Variants in WWOX observed in about 807,000 individuals in gnomAD.
WWOX encodes the protein WW domain-containing oxidoreductase.
A neutral mutation model predicts 46.2 loss-of-function variants in WWOX; 69 were observed. The observed-to-expected ratio is 1.49, with a 90% CI of 1.23 to 1.82. WWOX has a LOEUF of 1.82. Among genes scored for constraint, WWOX ranks in the 40% most tolerant of loss-of-function variants. WWOX has a pLI of 0.00. For synonymous variants in WWOX, 359 were observed against 202.6 expected, an observed-to-expected ratio of 1.77 and a Z score of -6.56; for missense variants, 919 against 542.6, an observed-to-expected ratio of 1.69 and a Z score of -6.89.
intron 8 of WWOX, among the ~76,000 whole-genome samples, chr16:78,726,259 C>G (rs1271603829): frequency 1.3e-5 from 2 of 150,502 alleles, no homozygotes; most frequent in Admixed American, 6.7e-5. Flanking sequence ...CAGTCTTGCT[C>G]TGTCACCCAG....
At chr16:78,978,112 G>C (rs11647122) in intron 8 of WWOX, among the ~76,000 whole-genome samples, 17,667 of 152,168 alleles carry the variant, frequency 0.12, 1,252 homozygotes, top group Middle Eastern at 0.27. Context: ...TATTTAAGTG[G>C]GATCATACAA....
intron 8 of WWOX, among the ~76,000 whole-genome samples, chr16:78,850,621 A>T (rs1390541647): frequency 2.6e-5 from 4 of 152,172 alleles, no homozygotes; most frequent in African/African-American, 7.2e-5. Flanking sequence ...CATATTTACC[A>T]TCACCATCCT....
chr16:79,126,237 A>G (rs1567567420), intron 8 of WWOX, among the ~76,000 whole-genome samples: 1 of 152,156 alleles, frequency 6.6e-6, no homozygotes, highest in African/African-American at 2.4e-5. Context: ...CTGGGAGGAC[A>G]GAATGCTGGA....
chr16:78,621,055 C>T (rs1273747076), intron 8 of WWOX, among the ~76,000 whole-genome samples: 1 of 152,104 alleles, frequency 6.6e-6, no homozygotes, highest in African/African-American at 2.4e-5. Context: ...CCTGTGGCAG[C>T]CTTTAACTTC....
At chr16:78,325,950 T>A (rs189770319) in intron 5 of WWOX, among the ~76,000 whole-genome samples, 1 of 152,374 alleles carries the variant, frequency 6.6e-6, no homozygotes, top group East Asian at 1.9e-4. Flanking sequence ...GCTCAGCACA[T>A]ACAACATCAT....
At chr16:78,844,286 C>T (rs980114296) in intron 8 of WWOX, among the ~76,000 whole-genome samples, 3 of 152,118 alleles carry the variant, frequency 2.0e-5, no homozygotes, top group African/African-American at 7.2e-5. Flanking sequence ...TACTGACAGC[C>T]TAAGTGATAT....
chr16:78,937,481 G>A (rs550881213), intron 8 of WWOX, among the ~76,000 whole-genome samples: 64 of 98,154 alleles, frequency 6.5e-4, no homozygotes, highest in Middle Eastern at 5.9e-3. Flanking sequence ...TTTTAATAGC[G>A]ATGGGGTTTC....
chr16:78,466,152 C>T (rs1189053229), intron 8 of WWOX, among the ~76,000 whole-genome samples: 1 of 152,060 alleles, frequency 6.6e-6, no homozygotes, highest in East Asian at 1.9e-4. Context: ...CTGCCTCAGC[C>T]TTCCTAGTAG....
intron 8 of WWOX, among the ~76,000 whole-genome samples, chr16:79,074,391 A>C (rs185919384): frequency 7.5e-4 from 87 of 116,174 alleles, no homozygotes; most frequent in African/African-American, 2.6e-3. Context: ...TCTCATCCTG[A>C]CTGAAATGTC....
chr16:78,236,791 C>T (rs543884346), intron 5 of WWOX, among the ~76,000 whole-genome samples: 48 of 152,112 alleles, frequency 3.2e-4, no homozygotes, highest in African/African-American at 1.1e-3. Flanking sequence ...ATCTGTGTTC[C>T]TACGGCTGGG....
chr16:78,536,619 T>C (rs1024243901), intron 8 of WWOX, among the ~76,000 whole-genome samples: 1 of 152,082 alleles, frequency 6.6e-6, no homozygotes, highest in Non-Finnish European at 1.5e-5. Context: ...AGTGTCAACA[T>C]TGAATCAATG....
intron 8 of WWOX, among the ~76,000 whole-genome samples, chr16:78,772,769 A>C (rs1025069761): frequency 2.0e-5 from 3 of 152,184 alleles, no homozygotes; most frequent in Non-Finnish European, 2.9e-5. Flanking sequence ...CTGTAATCTC[A>C]GCGCTTTGTG....
chr16:78,750,557 G>C (rs912816878), intron 8 of WWOX, among the ~76,000 whole-genome samples: 2 of 152,206 alleles, frequency 1.3e-5, no homozygotes, highest in African/African-American at 2.4e-5. Context: ...GCAAGATACT[G>C]AGATTTGGGC....
intron 8 of WWOX, among the ~76,000 whole-genome samples, chr16:79,207,733 G>C (rs543461580): frequency 5.3e-4 from 81 of 152,150 alleles, no homozygotes; most frequent in African/African-American, 1.9e-3. Flanking sequence ...ATGTGTCCCT[G>C]TGAGTATTAT....
chr16:78,910,417 G>A (rs540142798), intron 8 of WWOX, among the ~76,000 whole-genome samples: 1 of 152,006 alleles, frequency 6.6e-6, no homozygotes, highest in Admixed American at 6.6e-5. Context: ...ACCGTGTTAT[G>A]GGGGTTGTTC....
intron 8 of WWOX, among the ~76,000 whole-genome samples, chr16:79,040,750 C>G (rs1344452757): frequency 1.3e-5 from 2 of 152,084 alleles, no homozygotes; most frequent in African/African-American, 4.8e-5. Flanking sequence ...CTAGACTTGT[C>G]AGCCAGGGAA....
intron 5 of WWOX, among the ~76,000 whole-genome samples, chr16:78,352,979 C>T (rs2081214405): frequency 6.6e-6 from 1 of 152,154 alleles, no homozygotes; most frequent in Admixed American, 6.5e-5. Context: ...CTCTCACTTA[C>T]TTGAAAAGCA....
At chr16:78,233,720 G>C (rs1029672988) in intron 5 of WWOX, among the ~76,000 whole-genome samples, 1 of 151,890 alleles carries the variant, frequency 6.6e-6, no homozygotes, top group Non-Finnish European at 1.5e-5. Flanking sequence ...GTAGGGATGG[G>C]GTTTCACCGT....
intron 8 of WWOX, among the ~76,000 whole-genome samples, chr16:78,873,750 C>G (rs2044176328): frequency 6.6e-6 from 1 of 152,152 alleles, no homozygotes; most frequent in Non-Finnish European, 1.5e-5. Context: ...TATTGTACCA[C>G]TGTACTCCAG....
Sources: allele counts gnomAD v4.1 joint callset (sites outside exome capture counted in the v4.1 genomes callset), GRCh38; gene constraint gnomAD v4.1.1; transcripts MANE v1.5; gene names NCBI Gene and HGNC (gene_info 2026-07-23, HGNC 2026-07-21).